LMO3: variants seen among roughly 807,000 people sequenced by gnomAD.
The protein encoded by LMO3 is LIM domain only 3.
In LMO3, 2 loss-of-function variants were observed where a neutral mutation model predicts 15.8. The ratio of observed to expected loss-of-function variants is 0.13; its 90% CI spans 0.05 to 0.40. LMO3 has a LOEUF of 0.40. LMO3 is among the 10% of genes least tolerant of loss of function. The pLI is 0.99. For missense variants in LMO3, 86 were observed against 182.2 expected, an observed-to-expected ratio of 0.47 and a Z score of 3.04; for synonymous variants, 62 against 63.8, an observed-to-expected ratio of 0.97 and a Z score of 0.13.
chr12:16,581,022 C>T (rs1347354998), intron 2 of LMO3, among the ~76,000 whole-genome samples: 1 of 152,096 alleles, frequency 6.6e-6, no homozygotes, highest in Non-Finnish European at 1.5e-5. Context: ...GAAATTGCAG[C>T]CACTAACAAA....
Position 16,586,129 on chromosome 12 carries a change from AG to A in LMO3, c.206+14525del, listed in dbSNP as rs1943311666. Among the ~76,000 whole-genome samples, 1 of 152,228 alleles carries A rather than the reference AG, an allele frequency of 6.6e-6. No homozygotes were observed. The highest frequency in any genetic ancestry group is 1.5e-5 in the Non-Finnish European group (1 of 68,032). On this transcript the variant is annotated intron_variant, in intron 2 of 3. Transcript: ENST00000537304. The surrounding 1 kb of genome is among the most constrained non-coding windows in gnomAD (Gnocchi z 4.3). The stretch of plus-strand genomic sequence containing the variant: ...CAATAGGGGTCAAGATCAAAGACAC[AG>A]GGAAGGATAAATTAAAAACCATCAC...
chr12:16,603,545 G>A lies in LMO3; in HGVS notation c.-9+2521C>T, dbSNP rs972656159. ...GATTGGCATGTAAATTGTTCTGAGG[G>A]AAATTCTTATTGCCTCTGAGACCCT... On this transcript the variant is annotated intron_variant, in intron 1 of 3. Coordinates refer to ENST00000537304, the MANE Select transcript of LMO3 (RefSeq NM_018640.5). This position sits in a 1 kb window ranked among gnomAD's most constrained non-coding sequence, Gnocchi z 4.9. Among the ~76,000 whole-genome samples the A allele has an allele frequency of 1.3e-5, 2 of 152,102 alleles. No individual in the cohort carries two copies. Among genetic ancestry groups the A allele is most frequent in the Non-Finnish European group, 2.9e-5 (2 of 68,022 alleles).
rs1159762249 is a variant in LMO3 at position 16,589,317 on chromosome 12, T to C, written c.206+11338A>G. 6.6e-6 allele frequency among the ~76,000 whole-genome samples: 1 copy of C among 152,110 alleles called. No individual in the cohort carries two copies. The highest frequency in any genetic ancestry group is 1.5e-5 in the Non-Finnish European group (1 of 67,998). ...GATGGAGAAGGGGCAATACCTAATG[T>C]AGTAGAATAATGAGAAACACATGAT... On this transcript the variant is annotated intron_variant, in intron 2 of 3. Coordinates refer to ENST00000537304, the MANE Select transcript of LMO3 (RefSeq NM_018640.5). This position sits in a 1 kb window ranked among gnomAD's most constrained non-coding sequence, Gnocchi z 4.2.
At chr12:16,609,560 G>C (rs1186390959), upstream of LMO3, among the ~76,000 whole-genome samples, 1 of 151,916 alleles carries the variant, frequency 6.6e-6, no homozygotes, top group Non-Finnish European at 1.5e-5. Context: ...CGTTTGATGA[G>C]AGAATTTACT....
At chr12:16,605,602 G>A in intron 1 of LMO3, 1 of 692,742 alleles carries the variant, frequency 1.4e-6, no homozygotes, top group Admixed American at 3.0e-5. Flanking sequence ...CAGCAAGTAA[G>A]GGGGAGGGGT....
rs545911257 is a variant in LMO3 at position 16,587,753 on chromosome 12, C to T, written c.206+12902G>A. Among the ~76,000 whole-genome samples, 1 of 151,754 alleles carries T rather than the reference C, an allele frequency of 6.6e-6. No homozygotes were observed. The highest frequency in any genetic ancestry group is 2.4e-5 in the African/African-American group (1 of 41,454). ...CATGCAGTAAACACTGCCTTTGGTA[C>T]ACAGGGTTCTCTTAGCATTTATCTG... is the stretch of plus-strand genomic sequence containing the variant. On this transcript the variant is annotated intron_variant, in intron 2 of 3. Coordinates refer to ENST00000537304, the MANE Select transcript of LMO3 (RefSeq NM_018640.5). The surrounding 1 kb of genome is among the most constrained non-coding windows in gnomAD (Gnocchi z 4.3).
rs1197950130 is a variant in LMO3, at chr12:16,599,016, A to T, written c.206+1639T>A. 1 of 246,902 alleles carries T rather than the reference A, an allele frequency of 4.1e-6. No individual in the cohort carries two copies. Among genetic ancestry groups the T allele is most frequent in the East Asian group, 1.0e-4 (1 of 9,676 alleles). 15.3% of individuals were successfully genotyped at this position (246,902 alleles called of 1,614,324 possible). ...AGTCAAAAGGAGTCAAAAAGCTATG[A>T]CTATTGGTTAGTACAGATAAAGCAA... On this transcript the variant is annotated intron_variant, in intron 2 of 3. Coordinates refer to ENST00000537304, the MANE Select transcript of LMO3 (RefSeq NM_018640.5). This position sits in a 1 kb window ranked among gnomAD's most constrained non-coding sequence, Gnocchi z 4.1.
At chr12:16,578,862 C>A (rs78330746) in intron 2 of LMO3, among the ~76,000 whole-genome samples, 2 of 149,582 alleles carry the variant, frequency 1.3e-5, no homozygotes, top group African/African-American at 4.9e-5. Flanking sequence ...AACAACAAAA[C>A]ATTAATTCAC....
In LMO3 at chr12:16,589,278, C is replaced by CACTGATGA. The variant is rs1223488353; in HGVS notation, c.206+11369_206+11376dup. Among the ~76,000 whole-genome samples, 1 of 151,942 alleles carries CACTGATGA rather than the reference C, an allele frequency of 6.6e-6. No homozygotes were observed. The highest frequency in any genetic ancestry group is 2.4e-5 in the African/African-American group (1 of 41,372). ...TAATAGGAATACATAAGTTATCTGC[C>CACTGATGA]ACTGATGATCATTGATGGAGAAGGG... On this transcript the variant is annotated intron_variant, in intron 2 of 3. Transcript: ENST00000537304. The surrounding 1 kb of genome is among the most constrained non-coding windows in gnomAD (Gnocchi z 4.2).
In LMO3 at chr12:16,550,914, A is replaced by C. The variant is rs1343895717; in HGVS notation, c.*308T>G. On this transcript the variant is annotated 3_prime_UTR_variant, in exon 4 of 4. Transcript: ENST00000537304. The stretch of plus-strand genomic sequence containing the variant: ...AAACTGTATTACATTTGTGCTTCAA[A>C]TATTACAATACATTATATACAATAG... 8.5e-6 allele frequency: 2 copies of C among 234,994 alleles called. No homozygotes were observed. The highest frequency in any genetic ancestry group is 1.7e-5 in the Non-Finnish European group (2 of 119,586). The allele number at this position is 234,994 out of a possible 1,614,324, so 14.6% of individuals were successfully genotyped here.
intron 2 of LMO3, among the ~76,000 whole-genome samples, chr12:16,594,789 T>A (rs1943597952): frequency 6.6e-6 from 1 of 151,604 alleles, no homozygotes; most frequent in African/African-American, 2.4e-5. Flanking sequence ...ATTTACAAAA[T>A]TACTACTTTC....
In LMO3 at chr12:16,550,323, AT is replaced by A. The variant is rs1421198733; in HGVS notation, c.*898del. ...TTTATCACTTAAAAATCATCTCATA[AT>A]TGTGGTAACAGATTTTTAAAGTAAC... On this transcript the variant is annotated 3_prime_UTR_variant, in exon 4 of 4. Transcript: ENST00000537304. 4 of 152,530 alleles carry A rather than the reference AT, an allele frequency of 2.6e-5. No individual in the cohort carries two copies. Among genetic ancestry groups the A allele is most frequent in the Middle Eastern group, 3.4e-3 (1 of 294 alleles). The allele number at this position is 152,530 out of a possible 1,614,324, so 9.4% of individuals were successfully genotyped here. A position where few individuals can be genotyped will look rare whatever the true frequency, so the allele number is the denominator to read the frequency against.
rs1246095855 is a variant in LMO3 at position 16,586,702 on chromosome 12, C to A, written c.206+13953G>T. Among the ~76,000 whole-genome samples the A allele has an allele frequency of 4.6e-5, 7 of 152,142 alleles. No homozygotes were observed. In the East Asian group the frequency reaches 1.3e-3, roughly 29 times the overall value. On this transcript the variant is annotated intron_variant, in intron 2 of 3. Transcript: ENST00000537304. This position sits in a 1 kb window ranked among gnomAD's most constrained non-coding sequence, Gnocchi z 4.3. ...ATTTCAAGATACACATCTTTTGACCCCCCATTGCAGTAGATGATGTTTTTT... is the reference window on the plus strand; with the variant it reads ...ATTTCAAGATACACATCTTTTGACCACCCATTGCAGTAGATGATGTTTTTT...
chr12:16,558,857 T>A (rs1942287913), intron 3 of LMO3, among the ~76,000 whole-genome samples: 1 of 152,204 alleles, frequency 6.6e-6, no homozygotes, highest in African/African-American at 2.4e-5. Context: ...ACATTTAATA[T>A]AAATTAATTA....
chr12:16,564,063 A>G (rs545621999), intron 2 of LMO3, among the ~76,000 whole-genome samples: 1 of 152,316 alleles, frequency 6.6e-6, no homozygotes, highest in South Asian at 2.1e-4. Context: ...ATCAGTGCAT[A>G]TAACTATTAA....
chr12:16,566,942 CAT>C lies in LMO3; in HGVS notation c.207-6406_207-6405del, dbSNP rs753206020. Among the ~76,000 whole-genome samples, 19 of 151,898 alleles carry C rather than the reference CAT, an allele frequency of 1.3e-4. 1 individual carries two copies. The highest frequency in any genetic ancestry group is 1.2e-3 in the Admixed American group (18 of 15,226). On this transcript the variant is annotated intron_variant, in intron 2 of 3. Transcript: ENST00000537304. ...CTACCAAAAGCCCATGCTACATAGT[CAT>C]ATATATATATGTTAAAAACTACAAC... is the stretch of plus-strand genomic sequence containing the variant.
intron 2 of LMO3, among the ~76,000 whole-genome samples, chr12:16,562,316 TAAG>T (rs1397957749): frequency 6.6e-6 from 1 of 152,188 alleles, no homozygotes; most frequent in African/African-American, 2.4e-5. Context: ...TTTTGAGAAA[TAAG>T]AAAAACTTAA....
Position 16,558,813 on chromosome 12 carries a change from G to A in LMO3, c.332+1600C>T, listed in dbSNP as rs567088205. 3.2e-3 allele frequency among the ~76,000 whole-genome samples: 492 copies of A among 152,248 alleles called. 3 individuals are homozygous for A. The highest frequency in any genetic ancestry group is 6.8e-3 in the Middle Eastern group (2 of 294). ...GGAATATTATTTGGTAAATTATAAAGATAACTAACTTTTGAGAACCTGTTG... is the reference window on the plus strand; with the variant it reads ...GGAATATTATTTGGTAAATTATAAAAATAACTAACTTTTGAGAACCTGTTG... On this transcript the variant is annotated intron_variant, in intron 3 of 3. Transcript: ENST00000537304.
chr12:16,554,873 T>A (rs936106120), intron 3 of LMO3, among the ~76,000 whole-genome samples: 3 of 152,078 alleles, frequency 2.0e-5, no homozygotes, highest in African/African-American at 7.2e-5. Context: ...TTAGCCAGGA[T>A]GGTCTCGATC....
Sources: gnomAD v4.1 joint callset for allele counts (sites outside exome capture counted in the v4.1 genomes callset) on GRCh38, gnomAD v4.1.1 for gene constraint, Gnocchi (gnomAD v3.1) non-coding constraint, MANE v1.5 for transcripts, NCBI Gene and HGNC (gene_info 2026-07-23, HGNC 2026-07-21) for gene names.